Variants in GNG7 observed in about 807,000 individuals in gnomAD.
GNG7 encodes G protein subunit gamma 7, also known as guanine nucleotide-binding protein G(I)/G(S)/G(O) subunit gamma-7.
GNG7 carries 1 observed loss-of-function variant against 4.0 expected under a neutral mutation model. The observed-to-expected ratio is 0.25, with a 90% CI of 0.09 to 1.18. The LOEUF (loss-of-function observed/expected upper bound fraction) is 1.18. Among genes scored for constraint, GNG7 ranks in the 50% most tolerant of loss-of-function variants. GNG7 has a pLI of 0.50. For missense variants in GNG7, 86 were observed against 91.9 expected, an observed-to-expected ratio of 0.94 and a Z score of 0.26; for synonymous variants, 34 against 36.9, an observed-to-expected ratio of 0.92 and a Z score of 0.29.
At chr19:2,550,737 G>A (rs1317087549) in intron 3 of GNG7, among the ~76,000 whole-genome samples, 2 of 152,330 alleles carry the variant, frequency 1.3e-5, no homozygotes, top group African/African-American at 4.8e-5. Flanking sequence ...TCTTTTGGTT[G>A]CCGAGCCTCA....
chr19:2,698,084 T>C (rs1913313131), intron 1 of GNG7, among the ~76,000 whole-genome samples: 1 of 150,174 alleles, frequency 6.7e-6, no homozygotes, highest in Non-Finnish European at 1.5e-5. Context: ...CTGGCTAACA[T>C]GGTGAAACTC....
intron 1 of GNG7, among the ~76,000 whole-genome samples, chr19:2,692,543 G>A (rs1312514211): frequency 6.6e-6 from 1 of 151,658 alleles, no homozygotes; most frequent in East Asian, 1.9e-4. Flanking sequence ...GCTGAGGCAG[G>A]AGAATGGCGT....
chr19:2,686,184 G>A (rs1483177310), intron 1 of GNG7, among the ~76,000 whole-genome samples: 1 of 150,304 alleles, frequency 6.7e-6, no homozygotes, highest in African/African-American at 2.5e-5. Context: ...TTGAGACAGA[G>A]TCTCACGCTG....
chr19:2,595,820 G>A (rs1981002351), intron 2 of GNG7, among the ~76,000 whole-genome samples: 1 of 152,030 alleles, frequency 6.6e-6, no homozygotes, highest in Non-Finnish European at 1.5e-5. Flanking sequence ...ATGGCTGTAC[G>A]TATCTATGTG....
At chr19:2,580,932 T>C (rs1435908711) in intron 2 of GNG7, among the ~76,000 whole-genome samples, 1 of 151,888 alleles carries the variant, frequency 6.6e-6, no homozygotes, top group East Asian at 1.9e-4. Context: ...GCCCGGCTAA[T>C]TTTTGTATTT....
At chr19:2,663,570 A>G (rs1035072240) in intron 1 of GNG7, among the ~76,000 whole-genome samples, 1 of 152,180 alleles carries the variant, frequency 6.6e-6, no homozygotes, top group African/African-American at 2.4e-5. Context: ...GTGTAGTCAA[A>G]CATTACCTTT....
Position 2,512,749 on chromosome 19 carries a change from A to T in GNG7, c.*2273T>A. On this transcript the variant is annotated 3_prime_UTR_variant, in exon 5 of 5. Coordinates refer to ENST00000382159, the MANE Select transcript of GNG7 (RefSeq NM_052847.3). This position sits in a 1 kb window ranked among gnomAD's most constrained non-coding sequence, Gnocchi z 4.7. ...GGGCTCGGGGATTAAGGCCTCTTTT[A>T]AGGAAAAACGGGGTGGGGTGTGTTT... The T allele has an allele frequency of 3.2e-6, 1 of 310,154 alleles. No individual in the cohort carries two copies. Among genetic ancestry groups the T allele is most frequent in the Non-Finnish European group, 4.7e-6 (1 of 212,754 alleles). 19.2% of individuals were successfully genotyped at this position (310,154 alleles called of 1,614,324 possible). A position where few individuals can be genotyped will look rare whatever the true frequency, so the allele number is the denominator to read the frequency against.
At chr19:2,644,222 T>C (rs762922945) in intron 2 of GNG7, among the ~76,000 whole-genome samples, 16 of 151,168 alleles carry the variant, frequency 1.1e-4, no homozygotes, top group Non-Finnish European at 2.1e-4. Context: ...GGTTTCGCCA[T>C]GTTGGCCAGG....
chr19:2,661,245 AAAAGAAAG>A (rs368412587), intron 1 of GNG7, among the ~76,000 whole-genome samples: 1,454 of 93,834 alleles, frequency 0.015, 89 homozygotes, highest in African/African-American at 0.048. Context: ...AGAAAGAAAG[AAAAGAAAG>A]AAAGAAAGAA....
intron 2 of GNG7, among the ~76,000 whole-genome samples, chr19:2,578,118 G>A (rs1231290951): frequency 4.6e-5 from 7 of 152,112 alleles, no homozygotes; most frequent in African/African-American, 7.2e-5. Context: ...GATTACAGGC[G>A]TGAGCCACCG....
intron 4 of GNG7, among the ~76,000 whole-genome samples, chr19:2,519,426 A>G (rs7259694): frequency 0.9 from 136,535 of 151,554 alleles, 61,688 homozygotes; most frequent in East Asian, 1. Flanking sequence ...AAAGTGCTGG[A>G]ATTATAAGTG....
chr19:2,570,414 G>A lies in GNG7; in HGVS notation c.-77-15226C>T, dbSNP rs555256128. ...ATGACAGTCAGGCACGGGGAGACAC[G>A]CAGAGCTTGACTGGGCCTCAGGTCA... On this transcript the variant is annotated intron_variant, in intron 2 of 4. Coordinates refer to ENST00000382159, the MANE Select transcript of GNG7 (RefSeq NM_052847.3). Among the ~76,000 whole-genome samples the A allele has an allele frequency of 2.1e-4, 32 of 152,258 alleles. 3 individuals carry two copies. The South Asian group carries it at 3.5e-3, about 17-fold the overall frequency.
chr19:2,601,109 T>G (rs1981185277), intron 2 of GNG7, among the ~76,000 whole-genome samples: 2 of 152,030 alleles, frequency 1.3e-5, no homozygotes, highest in African/African-American at 2.4e-5. Context: ...CACTCCAGCC[T>G]GGGTGACAAG....
At chr19:2,591,638 G>A (rs1338864744) in intron 2 of GNG7, among the ~76,000 whole-genome samples, 1 of 151,872 alleles carries the variant, frequency 6.6e-6, no homozygotes, top group Non-Finnish European at 1.5e-5. Flanking sequence ...TAGGATGGAG[G>A]AGAGCCACAA....
rs1188926971 is a variant in GNG7, at chr19:2,557,568, T to C, written c.-77-2380A>G. ...CAGCGAATGGAGTTGTAGCACCGTT[T>C]CAGGACCGTGATAGAGAAAGACGGG... On this transcript the variant is annotated intron_variant, in intron 2 of 4. Transcript: ENST00000382159. This position sits in a 1 kb window ranked among gnomAD's most constrained non-coding sequence, Gnocchi z 5.1. Among the ~76,000 whole-genome samples the C allele has an allele frequency of 1.3e-5, 2 of 152,156 alleles. No individual in the cohort carries two copies. Among genetic ancestry groups the C allele is most frequent in the African/African-American group, 4.8e-5 (2 of 41,430 alleles).
At chr19:2,621,779 T>C (rs892925374) in intron 2 of GNG7, among the ~76,000 whole-genome samples, 2 of 151,906 alleles carry the variant, frequency 1.3e-5, no homozygotes. Flanking sequence ...ACTGGAGCAA[T>C]TCGACGGTAA....
chr19:2,675,448 C>G (rs150779398), intron 1 of GNG7, among the ~76,000 whole-genome samples: 1 of 152,104 alleles, frequency 6.6e-6, no homozygotes, highest in African/African-American at 2.4e-5. Context: ...CCAGCAGTGC[C>G]GAGCAGGAGA....
intron 2 of GNG7, among the ~76,000 whole-genome samples, chr19:2,585,246 CA>C (rs1225570220): frequency 2.6e-5 from 4 of 151,940 alleles, no homozygotes; most frequent in Non-Finnish European, 4.4e-5. Context: ...CATACATGCA[CA>C]ATTACATACA....
At chr19:2,670,382 C>T (rs969284917) in intron 1 of GNG7, among the ~76,000 whole-genome samples, 2 of 152,206 alleles carry the variant, frequency 1.3e-5, no homozygotes, top group African/African-American at 2.4e-5. Flanking sequence ...ACCTCGACCC[C>T]GCTGTCACGG....
Sources: allele counts gnomAD v4.1 joint callset (sites outside exome capture counted in the v4.1 genomes callset), GRCh38; gene constraint gnomAD v4.1.1; non-coding constraint Gnocchi (gnomAD v3.1); transcripts MANE v1.5; gene names NCBI Gene and HGNC (gene_info 2026-07-23, HGNC 2026-07-21).